Variants in USP12 observed in about 807,000 individuals in gnomAD.
USP12 encodes the protein ubiquitin carboxyl-terminal hydrolase 12.
A neutral mutation model predicts 45.5 loss-of-function variants in USP12; 19 were observed. The observed-to-expected ratio is 0.42, with a 90% CI of 0.29 to 0.61. USP12 has a LOEUF of 0.61. Among genes scored for constraint, USP12 ranks in the 20% least tolerant of loss-of-function variants. The pLI is 0.22. For missense variants in USP12, 242 were observed against 447.7 expected (o/e 0.54, Z 4.15); for synonymous variants, 149 against 148.8 (o/e 1.00, Z -0.01).
intron 1 of USP12, among the ~76,000 whole-genome samples, chr13:27,126,769 T>A (rs1175588668): frequency 6.6e-6 from 1 of 152,294 alleles, no homozygotes; most frequent in South Asian, 2.1e-4. Flanking sequence ...AAGTTTAAAT[T>A]TAGAACAAAT....
At chr13:27,163,250 T>C (rs145857651) in intron 1 of USP12, among the ~76,000 whole-genome samples, 140 of 152,310 alleles carry the variant, frequency 9.2e-4, no homozygotes, top group African/African-American at 3.3e-3. Context: ...AATCAATACT[T>C]GGTAAACTCC....
At chr13:27,082,676 A>G (rs1873813260) in intron 6 of USP12, among the ~76,000 whole-genome samples, 1 of 152,190 alleles carries the variant, frequency 6.6e-6, no homozygotes, top group Non-Finnish European at 1.5e-5. Context: ...AGACATGTAA[A>G]TATTTCTTTT....
intron 6 of USP12, among the ~76,000 whole-genome samples, chr13:27,086,185 AAAAAAAAAAAAAATATAT>A (rs1238760480): frequency 1.5e-4 from 9 of 58,862 alleles, no homozygotes; most frequent in Non-Finnish European, 1.5e-4. Context: ...AAAAAAAAAA[AAAAAAAAAAAAAATATAT>A]ATATATATAT....
At chr13:27,151,195 G>T (rs1877552220) in intron 1 of USP12, among the ~76,000 whole-genome samples, 1 of 151,888 alleles carries the variant, frequency 6.6e-6, no homozygotes, top group Non-Finnish European at 1.5e-5. Flanking sequence ...GCTGGGCATG[G>T]TAGCGCGCAA....
At chr13:27,114,176 TATTAGAAA>T (rs943144258) in intron 2 of USP12, among the ~76,000 whole-genome samples, 2 of 152,106 alleles carry the variant, frequency 1.3e-5, no homozygotes, top group African/African-American at 4.8e-5. Context: ...GGCCTACCTG[TATTAGAAA>T]ATTAATAAAG....
chr13:27,082,189 A>T (rs1873791423), intron 6 of USP12, among the ~76,000 whole-genome samples: 1 of 152,210 alleles, frequency 6.6e-6, no homozygotes, highest in Non-Finnish European at 1.5e-5. Flanking sequence ...CTATATTGAA[A>T]ATCTGTTGTT....
intron 2 of USP12, among the ~76,000 whole-genome samples, chr13:27,108,814 C>T (rs754390149): frequency 3.9e-5 from 6 of 152,062 alleles, no homozygotes; most frequent in Admixed American, 3.9e-4. Flanking sequence ...AAAAATTAGC[C>T]GGGTGTGGTG....
At chr13:27,111,098 T>C (rs903534108) in intron 2 of USP12, among the ~76,000 whole-genome samples, 6 of 152,206 alleles carry the variant, frequency 3.9e-5, no homozygotes, top group African/African-American at 1.4e-4. Context: ...AAAGCAACAG[T>C]AATATTATAA....
At chr13:27,111,941 A>T (rs1875467219) in intron 2 of USP12, among the ~76,000 whole-genome samples, 1 of 152,204 alleles carries the variant, frequency 6.6e-6, no homozygotes, top group South Asian at 2.1e-4. Context: ...AAAGATACAT[A>T]GGTGCAAGGG....
At chr13:27,118,535 C>A (rs1453578346) in intron 1 of USP12, among the ~76,000 whole-genome samples, 2 of 152,108 alleles carry the variant, frequency 1.3e-5, no homozygotes, top group Non-Finnish European at 2.9e-5. Flanking sequence ...CCTACTACCC[C>A]TCACCCTGCC....
intron 1 of USP12, among the ~76,000 whole-genome samples, chr13:27,160,202 G>C (rs1467487803): frequency 6.6e-6 from 1 of 152,092 alleles, no homozygotes; most frequent in Non-Finnish European, 1.5e-5. Flanking sequence ...TAGTTAAAAA[G>C]GGCAACATAA....
At chr13:27,116,121 G>C (rs1875722027) in intron 2 of USP12, among the ~76,000 whole-genome samples, 1 of 151,976 alleles carries the variant, frequency 6.6e-6, no homozygotes. Context: ...GACCATCCTG[G>C]CTAACACGGT....
chr13:27,170,896 GA>G (rs778545047), intron 1 of USP12, among the ~76,000 whole-genome samples: 25 of 152,230 alleles, frequency 1.6e-4, no homozygotes, highest in Non-Finnish European at 2.9e-4. Flanking sequence ...CCTCTCAGAG[GA>G]GAAAATGGAG....
intron 1 of USP12, among the ~76,000 whole-genome samples, chr13:27,120,221 A>G (rs1354833195): frequency 6.6e-6 from 1 of 152,236 alleles, no homozygotes; most frequent in African/African-American, 2.4e-5. Flanking sequence ...ATTTAAAGTG[A>G]GCCTAGAAAA....
intron 1 of USP12, among the ~76,000 whole-genome samples, chr13:27,140,202 C>T (rs1876995091): frequency 6.6e-6 from 1 of 152,098 alleles, no homozygotes; most frequent in Non-Finnish European, 1.5e-5. Flanking sequence ...CATGCAATGT[C>T]CCCTGAAAGC....
At chr13:27,076,458 C>G (rs1873491048) in intron 6 of USP12, among the ~76,000 whole-genome samples, 1 of 152,156 alleles carries the variant, frequency 6.6e-6, no homozygotes, top group Non-Finnish European at 1.5e-5. Context: ...CACAAATACA[C>G]CTGCTCTCTT....
At chr13:27,097,953 C>T (rs1874670235) in intron 3 of USP12, among the ~76,000 whole-genome samples, 1 of 150,782 alleles carries the variant, frequency 6.6e-6, no homozygotes, top group African/African-American at 2.4e-5. Context: ...TTCATATACA[C>T]CTTATAGCCT....
intron 1 of USP12, among the ~76,000 whole-genome samples, chr13:27,142,522 G>A (rs1311272277): frequency 2.0e-5 from 3 of 152,186 alleles, no homozygotes; most frequent in African/African-American, 7.2e-5. Context: ...GTGCACTTAA[G>A]TTTTTACGAA....
At chr13:27,160,869 T>C (rs574521445) in intron 1 of USP12, among the ~76,000 whole-genome samples, 3 of 151,890 alleles carry the variant, frequency 2.0e-5, no homozygotes, top group East Asian at 3.9e-4. Context: ...CGTATCATGG[T>C]GGTTTGCTGC....
Sources: allele counts gnomAD v4.1 joint callset (sites outside exome capture counted in the v4.1 genomes callset), GRCh38; gene constraint gnomAD v4.1.1; transcripts MANE v1.5; gene names NCBI Gene and HGNC (gene_info 2026-07-23, HGNC 2026-07-21).